The following IZUMO1R variants were observed in gnomAD, a reference collection of about 807,000 sequenced individuals.
IZUMO1R encodes IZUMO1 receptor, JUNO.
In IZUMO1R, 24 loss-of-function variants were observed where a neutral mutation model predicts 22.1. The ratio of observed to expected loss-of-function variants is 1.09; its 90% CI spans 0.79 to 1.53. The LOEUF is 1.53. Among genes scored for constraint, IZUMO1R ranks in the 40% most tolerant of loss-of-function variants. IZUMO1R has a pLI of 0.00. For synonymous variants in IZUMO1R, 133 were observed against 121.2 expected (o/e 1.10, Z -0.64); for missense variants, 308 against 314.9 (o/e 0.98, Z 0.17).
Position 94,306,625 on chromosome 11 carries a change from C to A in IZUMO1R, c.251C>A (p.Pro84His). 2 of 1,613,998 alleles carry A rather than the reference C, an allele frequency of 1.2e-6. No individual in the cohort carries two copies. The highest frequency in any genetic ancestry group is 1.7e-6 in the Non-Finnish European group (2 of 1,179,886). Reference protein sequence around the residue: ...FSLFHCGLLMPGCRKHFIQAI... With the variant: ...FSLFHCGLLMHGCRKHFIQAI... ...CTGTTTCACTGTGGACTGCTGATGC[C>A]TGGCTGTCGGAAGCACTTCATCCAG... The change falls in exon 3 of 5, where the codon CCT becomes CAT. Residue 84 changes from proline to histidine, a missense_variant. By Grantham distance (77) the Pro-to-His change is moderately conservative. Coordinates refer to ENST00000687084, the MANE Select transcript of IZUMO1R (RefSeq NM_001199206.4).
chr11:94,305,921 C>G (rs1473329466), intron 2 of IZUMO1R, 147 bp downstream of exon 2: 1 of 879,978 alleles, frequency 1.1e-6, no homozygotes, highest in Admixed American at 2.8e-5. Flanking sequence ...AGAGACTATG[C>G]CTTTTTGAGA....
In IZUMO1R at chr11:94,307,545, C is replaced by A; in HGVS notation, c.606C>A (p.Asn202Lys). The change falls in exon 5 of 5, where the codon AAC (asparagine) becomes AAA (lysine). Residue 202 changes from asparagine (N) to lysine (K), a missense_variant. Asn to Lys is a moderately conservative substitution (Grantham distance 94). Coordinates refer to ENST00000687084, the MANE Select transcript of IZUMO1R (RefSeq NM_001199206.4). Reference protein sequence around the residue: ...NSFKASPERRNSGRCLQKWFE... With the variant: ...NSFKASPERRKSGRCLQKWFE... ...TCAAAGCCAGCCCTGAGCGACGGAACAGTGGGCGGTGTCTCCAGAAGTGGT... is the reference window on the plus strand; with the variant it reads ...TCAAAGCCAGCCCTGAGCGACGGAAAAGTGGGCGGTGTCTCCAGAAGTGGT... The A allele has an allele frequency of 1.9e-6, 3 of 1,613,734 alleles. No homozygotes were observed. Among genetic ancestry groups the A allele is most frequent in the Non-Finnish European group, 2.5e-6 (3 of 1,179,868 alleles).
Position 94,305,693 on chromosome 11 carries a change from T to A in IZUMO1R, c.57T>A (p.Ala19=). The A allele has an allele frequency of 6.2e-7, 1 of 1,613,346 alleles. No individual in the cohort carries two copies. The change falls in exon 2 of 5, where the codon GCT becomes GCA. Residue 19 remains alanine (A), a synonymous_variant. Coordinates refer to ENST00000687084, the MANE Select transcript of IZUMO1R (RefSeq NM_001199206.4). ...TGTGGACAGTCATGCCCACCTGGGC[T>A]GGGGACGAGCTGCTCAACATCTGCA... ...LELWTVMPTW[A]GDELLNICMN...
intron 1 of IZUMO1R, among the ~76,000 whole-genome samples, 200 bp from the exon 2 acceptor site, chr11:94,305,431 G>A (rs1944004724): frequency 6.6e-6 from 1 of 152,188 alleles, no homozygotes; most frequent in African/African-American, 2.4e-5. Flanking sequence ...CTCCAGCACT[G>A]TGTCAGGCCT....
rs1163755633 is a variant in IZUMO1R at position 94,306,553 on chromosome 11, C to A, written c.179C>A (p.Thr60Lys). 6.2e-7 allele frequency: 1 copy of A among 1,613,980 alleles called. No individual in the cohort carries two copies. Among genetic ancestry groups the A allele is most frequent in the East Asian group, 2.2e-5 (1 of 44,876 alleles). The change falls in exon 3 of 5, where the codon ACA becomes AAA. Residue 60 changes from threonine (T) to lysine (K), a missense_variant. Physicochemically the swap from Thr to Lys is moderately conservative, Grantham distance 78. Transcript: ENST00000687084. ...GACAATGCCTGCTGCACCCTCACGACAAGCTGGGAAGCCCATCTGGATGTA... is the reference window on the plus strand; with the variant it reads ...GACAATGCCTGCTGCACCCTCACGAAAAGCTGGGAAGCCCATCTGGATGTA... Reference protein sequence around the residue: ...WKDNACCTLTTSWEAHLDVSP... With the variant: ...WKDNACCTLTKSWEAHLDVSP...
At position 94,307,794 on chromosome 11, in the gene IZUMO1R, G is replaced by T. The variant is rs114128329; in HGVS notation, c.*102G>T. 3,748 of 1,231,468 alleles carry T rather than the reference G, an allele frequency of 3.0e-3. 105 individuals are homozygous for T. In the African/African-American group the frequency reaches 0.054, roughly 18 times the overall value. 76.3% of individuals were successfully genotyped at this position (1,231,468 alleles called of 1,614,324 possible). On this transcript the variant is annotated 3_prime_UTR_variant, in exon 5 of 5. Coordinates refer to ENST00000687084, the MANE Select transcript of IZUMO1R (RefSeq NM_001199206.4). ...CTCAGGCCCTCCCCTAAAAGCAGTG[G>T]CATGGGCTAGGGACTGCAGTCCCAC...
chr11:94,307,645 T>C lies in IZUMO1R; in HGVS notation c.706T>C (p.Ser236Pro). ...CAGCTCTGCCCCATCCTGGGAACTG[T>C]CCTACACCATCATGGTCTGCTCCCT... ...FASSAPSWEL[S>P]YTIMVCSLFL... The change falls in exon 5 of 5, where the codon TCC becomes CCC. Residue 236 changes from serine (S) to proline (P), a missense_variant. Coordinates refer to ENST00000687084, the MANE Select transcript of IZUMO1R (RefSeq NM_001199206.4). 1 of 1,613,794 alleles carries C rather than the reference T, an allele frequency of 6.2e-7. No homozygotes were observed.
intron 2 of IZUMO1R, 78 bp downstream of exon 2, chr11:94,305,852 A>C: frequency 3.6e-5 from 53 of 1,486,260 alleles, no homozygotes; most frequent in Middle Eastern, 1.8e-4. Flanking sequence ...TCCGAACCTC[A>C]TCAACCCTGA....
Position 94,305,739 on chromosome 11 carries a change from A to G in IZUMO1R, c.103A>G (p.Arg35Gly), listed in dbSNP as rs1426646647. 1 of 1,613,194 alleles carries G rather than the reference A, an allele frequency of 6.2e-7. No individual in the cohort carries two copies. Among genetic ancestry groups the G allele is most frequent in the Non-Finnish European group, 8.5e-7 (1 of 1,179,704 alleles). Reference protein sequence around the residue: ...NICMNAKHHKRVPSPEDKLYE... With the variant: ...NICMNAKHHKGVPSPEDKLYE... ...CTGCATGAATGCCAAACACCACAAG[A>G]GAGTGCCCAGCCCAGAAGACAAGCT... Residue 35 changes from arginine to glycine, a missense_variant, in exon 2 of 5, where the codon AGA (arginine) becomes GGA (glycine). Coordinates refer to ENST00000687084, the MANE Select transcript of IZUMO1R (RefSeq NM_001199206.4).
At chr11:94,306,097 C>A (rs1310264673) in intron 2 of IZUMO1R, among the ~76,000 whole-genome samples, 1 of 151,826 alleles carries the variant, frequency 6.6e-6, no homozygotes, top group South Asian at 2.1e-4. Flanking sequence ...GTGACCCCTC[C>A]CCAAGCTCCT....
chr11:94,307,704 C>T lies in IZUMO1R; in HGVS notation c.*12C>T, dbSNP rs767054926. On this transcript the variant is annotated 3_prime_UTR_variant, in exon 5 of 5. Coordinates refer to ENST00000687084, the MANE Select transcript of IZUMO1R (RefSeq NM_001199206.4). ...CGTTCCTTTCCTGAGAGCCCTTCTT[C>T]TCCCACTCACATTCCTGCATGTCCA... The T allele has an allele frequency of 6.2e-6, 10 of 1,609,358 alleles. No individual in the cohort carries two copies. Among genetic ancestry groups the T allele is most frequent in the East Asian group, 2.2e-5 (1 of 44,640 alleles).
rs1268632016 is a variant in IZUMO1R, at chr11:94,306,714, G to C, written c.340G>C (p.Gly114Arg). The change falls in exon 3 of 5, where the codon GGG (glycine) becomes CGG (arginine). Residue 114 changes from glycine to arginine, a missense_variant. Physicochemically the swap from Gly to Arg is moderately radical, Grantham distance 125 (BLOSUM62 -2). Transcript: ENST00000687084. ...CTGGATCCAGCCAGTGGGAAGCCTG[G>C]GGTGGGAGGTAGGAAGCAGATCTGT... ...GPWIQPVGSL[G>R]WEVAPSGQGE... is the part of the protein sequence containing the mutation. The C allele has an allele frequency of 1.2e-6, 2 of 1,613,944 alleles. No homozygotes were observed. Among genetic ancestry groups the C allele is most frequent in the Non-Finnish European group, 1.7e-6 (2 of 1,179,860 alleles).
intron 1 of IZUMO1R, 116 bp from the exon 2 acceptor site, chr11:94,305,515 G>A: frequency 8.1e-7 from 1 of 1,241,402 alleles, no homozygotes; most frequent in Non-Finnish European, 1.1e-6. Context: ...CAGCCAGAGT[G>A]TTGCAATTAT....
chr11:94,307,595 A>G lies in IZUMO1R; in HGVS notation c.656A>G (p.Asn219Ser). The change falls in exon 5 of 5, where the codon AAT (asparagine) becomes AGT (serine). Residue 219 changes from asparagine to serine, a missense_variant. By Grantham distance (46) the Asn-to-Ser change is conservative. Coordinates refer to ENST00000687084, the MANE Select transcript of IZUMO1R (RefSeq NM_001199206.4). ...TTTGAGCCTGCTCAGGGCAACCCCAATGTGGCCGTGGCCCGCCTCTTCGCC... is the reference window on the plus strand; with the variant it reads ...TTTGAGCCTGCTCAGGGCAACCCCAGTGTGGCCGTGGCCCGCCTCTTCGCC... ...KWFEPAQGNP[N>S]VAVARLFASS... The G allele has an allele frequency of 6.2e-7, 1 of 1,613,818 alleles. No individual in the cohort carries two copies. The highest frequency in any genetic ancestry group is 8.5e-7 in the Non-Finnish European group (1 of 1,179,814).
At position 94,307,624 on chromosome 11, in the gene IZUMO1R, T is replaced by A. The variant is rs1454364684; in HGVS notation, c.685T>A (p.Ser229Thr). Residue 229 changes from serine to threonine, a missense_variant, in exon 5 of 5, where the codon TCT (serine) becomes ACT (threonine). Physicochemically the swap from Ser to Thr is moderately conservative, Grantham distance 58. Transcript: ENST00000687084. ...NVAVARLFAS[S>T]APSWELSYTI... ...GGCCGTGGCCCGCCTCTTCGCCAGC[T>A]CTGCCCCATCCTGGGAACTGTCCTA... is the stretch of plus-strand genomic sequence containing the variant. 4.3e-6 allele frequency: 7 copies of A among 1,613,764 alleles called. No individual in the cohort carries two copies. In the South Asian group the frequency reaches 7.7e-5, roughly 18 times the overall value.
In IZUMO1R at chr11:94,306,581, C is replaced by G. The variant is rs898823679; in HGVS notation, c.207C>G (p.Ser69=). The G allele has an allele frequency of 5.6e-6, 9 of 1,613,936 alleles. No homozygotes were observed. Among genetic ancestry groups the G allele is most frequent in the Non-Finnish European group, 7.6e-6 (9 of 1,179,870 alleles). The change falls in exon 3 of 5, where the codon TCC becomes TCG. Residue 69 remains serine, a synonymous_variant. Transcript: ENST00000687084. ...TTSWEAHLDV[S]PLYNFSLFHC... ...GCTGGGAAGCCCATCTGGATGTATC[C>G]CCACTCTACAACTTCAGCCTGTTTC...
At chr11:94,305,385 C>T (rs1461441009) in intron 1 of IZUMO1R, among the ~76,000 whole-genome samples, 2 of 152,184 alleles carry the variant, frequency 1.3e-5, no homozygotes, top group African/African-American at 4.8e-5. Flanking sequence ...TGACTCATGC[C>T]TCGGCATGCC....
In IZUMO1R at chr11:94,304,773, G is replaced by A. The variant is rs1443601745; in HGVS notation, c.-113G>A. Among the ~76,000 whole-genome samples, 1 of 152,090 alleles carries A rather than the reference G, an allele frequency of 6.6e-6. No individual in the cohort carries two copies. Among genetic ancestry groups the A allele is most frequent in the Non-Finnish European group, 1.5e-5 (1 of 68,030 alleles). On this transcript the variant is annotated 5_prime_UTR_variant, in exon 1 of 5. An upstream open reading frame in the 5' UTR loses its in-frame stop. Transcript: ENST00000687084. ...AGTTCTCCTCCTGCACCTGGACCTA[G>A]TAGAAATCAGACTGGGTAATAAATG...
intron 4 of IZUMO1R, 54 bp downstream of exon 4, chr11:94,307,354 C>A: frequency 6.2e-7 from 1 of 1,611,910 alleles, no homozygotes; most frequent in Non-Finnish European, 8.5e-7. Flanking sequence ...GTGGTCCCCA[C>A]AAGGGTGCAG....
Sources: gnomAD v4.1 joint callset for allele counts (sites outside exome capture counted in the v4.1 genomes callset) on GRCh38, gnomAD v4.1.1 for gene constraint, MANE v1.5 for transcripts, NCBI Gene and HGNC (gene_info 2026-07-23, HGNC 2026-07-21) for gene names.